SLC9A5: variants seen among roughly 807,000 people sequenced by gnomAD.
SLC9A5 encodes the protein sodium/hydrogen exchanger 5.
In SLC9A5, 52 loss-of-function variants were observed where a neutral mutation model predicts 91.7. The observed-to-expected ratio is 0.57, with a 90% confidence interval of 0.45 to 0.71. The LOEUF (loss-of-function observed/expected upper bound fraction) is 0.71. SLC9A5 is among the 30% of genes least tolerant of loss of function. The pLI is 0.00. For synonymous variants in SLC9A5, 419 were observed against 474.5 expected (o/e 0.88, Z 1.52); for missense variants, 871 against 1,158.9 (o/e 0.75, Z 3.61).
In SLC9A5 at chr16:67,257,806, A is replaced by G. The variant is rs946280154; in HGVS notation, c.1496+205A>G. ...CTGCTTGGCCCTGCATGGTTTGGCA[A>G]CTGCCAGACTCCAGCCTCATCATGC... is the stretch of plus-strand genomic sequence containing the variant. On this transcript the variant is annotated intron_variant, in intron 9 of 15. Transcript: ENST00000299798. The surrounding 1 kb of genome is among the most constrained non-coding windows in gnomAD (Gnocchi z 5.1). 2.0e-5 allele frequency among the ~76,000 whole-genome samples: 3 copies of G among 152,242 alleles called. No homozygotes were observed. Among genetic ancestry groups the G allele is most frequent in the Non-Finnish European group, 2.9e-5 (2 of 68,036 alleles).
rs1424933582 is a variant in SLC9A5, at chr16:67,271,638, T to G, written c.*428T>G. The G allele has an allele frequency of 1.1e-5, 2 of 182,306 alleles. No homozygotes were observed. The highest frequency in any genetic ancestry group is 2.3e-5 in the Non-Finnish European group (2 of 85,658). The allele number at this position is 182,306 out of a possible 1,614,324, so 11.3% of individuals were successfully genotyped here. A position where few individuals can be genotyped will look rare whatever the true frequency, so the allele number is the denominator to read the frequency against. ...TCCCTCCCCAGCACTGGGTCAGTGGTGTCCTGGCAGTGAGGCTCCGTGAGG... is the reference window on the plus strand; with the variant it reads ...TCCCTCCCCAGCACTGGGTCAGTGGGGTCCTGGCAGTGAGGCTCCGTGAGG... On this transcript the variant is annotated 3_prime_UTR_variant, in exon 16 of 16. Coordinates refer to ENST00000299798, the MANE Select transcript of SLC9A5 (RefSeq NM_004594.3).
In SLC9A5 at chr16:67,258,378, C is replaced by T; in HGVS notation, c.1557C>T (p.Arg519=). The change falls in exon 10 of 16, where the codon CGC becomes CGT. Residue 519 remains arginine (R), a synonymous_variant. Transcript: ENST00000299798. The surrounding 1 kb of genome is among the most constrained non-coding windows in gnomAD (Gnocchi z 4.5). ...SQLLMRRSAY[R]IRDQIWDVYY... ...TGCTGATGCGACGATCAGCCTACCG[C>T]ATCCGGGACCAGATCTGGGATGTGT... 4 of 1,614,192 alleles carry T rather than the reference C, an allele frequency of 2.5e-6. No homozygotes were observed. The highest frequency in any genetic ancestry group is 2.5e-6 in the Non-Finnish European group (3 of 1,180,018).
At chr16:67,260,027 T>C in intron 12 of SLC9A5, 81 bp downstream of exon 12, 1 of 1,537,126 alleles carries the variant, frequency 6.5e-7, no homozygotes, top group Non-Finnish European at 8.8e-7. Flanking sequence ...CGCCAGCTTG[T>C]TGGAGAGCTG....
chr16:67,267,093 T>G (rs546404479), intron 15 of SLC9A5, among the ~76,000 whole-genome samples: 180 of 146,594 alleles, frequency 1.2e-3, no homozygotes, highest in Middle Eastern at 3.5e-3. Flanking sequence ...TTTTTTTTTT[T>G]TTTTTTTTTT....
chr16:67,251,496 C>T (rs1334664870), intron 1 of SLC9A5, among the ~76,000 whole-genome samples: 1 of 147,194 alleles, frequency 6.8e-6, no homozygotes, highest in Non-Finnish European at 1.5e-5. Flanking sequence ...TCACTGCAAC[C>T]TCTGCCTCCC....
At position 67,258,183 on chromosome 16, in the gene SLC9A5, T is replaced by G; in HGVS notation, c.1497-135T>G. On this transcript the variant is annotated intron_variant, in intron 9 of 15. Coordinates refer to ENST00000299798, the MANE Select transcript of SLC9A5 (RefSeq NM_004594.3). This position sits in a 1 kb window ranked among gnomAD's most constrained non-coding sequence, Gnocchi z 4.5. ...ATTCCATGAGGGCAGGGACTAGCCT[T>G]GAGATTCTCTCTGGCTGAGGCCCAT... The G allele has an allele frequency of 7.5e-6, 6 of 797,062 alleles. No individual in the cohort carries two copies. The highest frequency in any genetic ancestry group is 1.2e-5 in the Non-Finnish European group (6 of 494,128). The allele number at this position is 797,062 out of a possible 1,614,324, so 49.4% of individuals were successfully genotyped here. A position where few individuals can be genotyped will look rare whatever the true frequency, so the allele number is the denominator to read the frequency against.
rs75549387 is a variant in SLC9A5, at chr16:67,257,108, G to C, written c.1330G>C (p.Val444Leu). Reference protein sequence around the residue: ...TIVVVFFTVIVQGLTIKPLVK... With the variant: ...TIVVVFFTVILQGLTIKPLVK... Reference sequence around the variant, plus strand: ...TGTAGTGGTCTTCTTCACAGTCATCGTGCAGGTGGGAGTGCCCACAAGGCT... The same window carrying C: ...TGTAGTGGTCTTCTTCACAGTCATCCTGCAGGTGGGAGTGCCCACAAGGCT... The change falls in exon 7 of 16, where the codon GTG becomes CTG. Residue 444 changes from valine (V) to leucine (L), a missense_variant. Around this residue, in one of 3 missense-constraint regions of SLC9A5, gnomAD observed 454 missense variants for 718.3 expected, o/e 0.63. Coordinates refer to ENST00000299798, the MANE Select transcript of SLC9A5 (RefSeq NM_004594.3). The surrounding 1 kb of genome is among the most constrained non-coding windows in gnomAD (Gnocchi z 5.1). The C allele has an allele frequency of 1.2e-6, 2 of 1,608,524 alleles. No homozygotes were observed. Among genetic ancestry groups the C allele is most frequent in the African/African-American group, 1.3e-5 (1 of 75,038 alleles).
In SLC9A5 at chr16:67,255,385, TCG is replaced by T; in HGVS notation, c.655-6_655-5del. The stretch of plus-strand genomic sequence containing the variant: ...CGCCTCACTGCTGACTCTCCTCTTC[TCG>T]CTCAGGTGCTGTACAAGGTCTGCAA... On this transcript the variant is annotated splice_polypyrimidine_tract_variant and splice_region_variant and intron_variant, in intron 3 of 15. Transcript: ENST00000299798. The surrounding 1 kb of genome is among the most constrained non-coding windows in gnomAD (Gnocchi z 4.9). The T allele has an allele frequency of 6.2e-7, 1 of 1,608,262 alleles. No homozygotes were observed. The highest frequency in any genetic ancestry group is 8.5e-7 in the Non-Finnish European group (1 of 1,175,172).
At position 67,255,529 on chromosome 16, in the gene SLC9A5, G is replaced by A; in HGVS notation, c.733+58G>A. 1 of 1,541,158 alleles carries A rather than the reference G, an allele frequency of 6.5e-7. No individual in the cohort carries two copies. The highest frequency in any genetic ancestry group is 9.0e-7 in the Non-Finnish European group (1 of 1,114,210). Reference sequence around the variant, plus strand: ...AGGTCTGCCTCCCCTGGGTTGCTGAGGCCCTCCCACCCCGCATCAGGACAG... The same window carrying A: ...AGGTCTGCCTCCCCTGGGTTGCTGAAGCCCTCCCACCCCGCATCAGGACAG... On this transcript the variant is annotated intron_variant, in intron 4 of 15. Transcript: ENST00000299798. The surrounding 1 kb of genome is among the most constrained non-coding windows in gnomAD (Gnocchi z 4.9).
chr16:67,265,947 T>C, intron 14 of SLC9A5, 141 bp from the exon 15 acceptor site: 6 of 1,138,484 alleles, frequency 5.3e-6, no homozygotes, highest in South Asian at 1.6e-5. Context: ...AGGCCAGTGC[T>C]TGAAACAGCC....
Position 67,259,628 on chromosome 16 carries a change from A to T in SLC9A5, c.1682A>T (p.Asn561Ile). ...GLTLPSMPSR[N>I]SVAETSVTNL... is the part of the protein sequence containing the mutation. The stretch of plus-strand genomic sequence containing the variant: ...ACTCTGCCTTCTATGCCCAGCCGCA[A>T]TTCTGTGGCAGAAACTTCTGTCACC... The change falls in exon 11 of 16, where the codon AAT becomes ATT. Residue 561 changes from asparagine (N) to isoleucine (I), a missense_variant. Transcript: ENST00000299798. 1.9e-6 allele frequency: 3 copies of T among 1,614,094 alleles called. No individual in the cohort carries two copies. The highest frequency in any genetic ancestry group is 3.3e-5 in the Admixed American group (2 of 60,006).
At position 67,248,996 on chromosome 16, in the gene SLC9A5, C is replaced by G; in HGVS notation, c.-19C>G. ...CGGCGGCCGTGCGGTGCCGGGAGGGCGGCTGGGCAGGCGGCAGGATGCTGC... is the reference window on the plus strand; with the variant it reads ...CGGCGGCCGTGCGGTGCCGGGAGGGGGGCTGGGCAGGCGGCAGGATGCTGC... On this transcript the variant is annotated 5_prime_UTR_variant, in exon 1 of 16. Transcript: ENST00000299798. The surrounding 1 kb of genome is among the most constrained non-coding windows in gnomAD (Gnocchi z 5.3). 1 of 1,255,740 alleles carries G rather than the reference C, an allele frequency of 8.0e-7. No homozygotes were observed. The highest frequency in any genetic ancestry group is 1.0e-6 in the Non-Finnish European group (1 of 998,092). The allele number at this position is 1,255,740 out of a possible 1,614,324, so 77.8% of individuals were successfully genotyped here.
chr16:67,257,648 G>A lies in SLC9A5; in HGVS notation c.1496+47G>A, dbSNP rs2142355374. The stretch of plus-strand genomic sequence containing the variant: ...TCCTTCAGCAGCAGCAGCCCCACCA[G>A]CCAGGGAAGCATGGGGGATGTGCCA... On this transcript the variant is annotated intron_variant, in intron 9 of 15. Transcript: ENST00000299798. This position sits in a 1 kb window ranked among gnomAD's most constrained non-coding sequence, Gnocchi z 5.1. 6.3e-7 allele frequency: 1 copy of A among 1,586,676 alleles called. No homozygotes were observed. Among genetic ancestry groups the A allele is most frequent in the Non-Finnish European group, 8.7e-7 (1 of 1,155,328 alleles).
Position 67,255,569 on chromosome 16 carries a change from G to A in SLC9A5, c.733+98G>A, listed in dbSNP as rs1255862448. The stretch of plus-strand genomic sequence containing the variant: ...CATCAGGACAGAAGAGGCTATTCGG[G>A]TTGCCTCATCTCCTCTATAGAGAAA... On this transcript the variant is annotated intron_variant, in intron 4 of 15. Transcript: ENST00000299798. The surrounding 1 kb of genome is among the most constrained non-coding windows in gnomAD (Gnocchi z 4.9). 2 of 1,377,786 alleles carry A rather than the reference G, an allele frequency of 1.5e-6. No individual in the cohort carries two copies. Among genetic ancestry groups the A allele is most frequent in the Admixed American group, 1.8e-5 (1 of 56,354 alleles). 85.3% of individuals were successfully genotyped at this position (1,377,786 alleles called of 1,614,324 possible). A position where few individuals can be genotyped will look rare whatever the true frequency, so the allele number is the denominator to read the frequency against.
chr16:67,257,079 C>A lies in SLC9A5; in HGVS notation c.1301C>A (p.Thr434Asn). ...GCCAAGGACTACTTTGTAGCCACCA[C>A]TATTGTAGTGGTCTTCTTCACAGTC... is the stretch of plus-strand genomic sequence containing the variant. The part of the protein sequence containing the change: ...VPAKDYFVAT[T>N]IVVVFFTVIV... The change falls in exon 7 of 16, where the codon ACT becomes AAT. Residue 434 changes from threonine (T) to asparagine (N), a missense_variant. Coordinates refer to ENST00000299798, the MANE Select transcript of SLC9A5 (RefSeq NM_004594.3). This position sits in a 1 kb window ranked among gnomAD's most constrained non-coding sequence, Gnocchi z 5.1. 6.2e-7 allele frequency: 1 copy of A among 1,612,460 alleles called. No individual in the cohort carries two copies. Among genetic ancestry groups the A allele is most frequent in the African/African-American group, 1.3e-5 (1 of 75,070 alleles).
chr16:67,249,022 G>A lies in SLC9A5; in HGVS notation c.8G>A (p.Arg3His), dbSNP rs957550233. ML[R>H]AALSLLALPL... is the part of the protein sequence containing the mutation. Reference sequence around the variant, plus strand: ...GGCTGGGCAGGCGGCAGGATGCTGCGCGCCGCCCTGTCCCTGCTCGCGCTG... The same window carrying A: ...GGCTGGGCAGGCGGCAGGATGCTGCACGCCGCCCTGTCCCTGCTCGCGCTG... Residue 3 changes from arginine to histidine, a missense_variant, in exon 1 of 16, where the codon CGC (arginine) becomes CAC (histidine). Arg to His is a conservative substitution (Grantham distance 29). Transcript: ENST00000299798. 8 of 1,422,788 alleles carry A rather than the reference G, an allele frequency of 5.6e-6. No homozygotes were observed. Among genetic ancestry groups the A allele is most frequent in the Non-Finnish European group, 7.4e-6 (8 of 1,088,198 alleles). 88.1% of individuals were successfully genotyped at this position (1,422,788 alleles called of 1,614,324 possible). A position where few individuals can be genotyped will look rare whatever the true frequency, so the allele number is the denominator to read the frequency against.
chr16:67,260,587 G>A (rs1336550940), intron 12 of SLC9A5, among the ~76,000 whole-genome samples: 1 of 152,120 alleles, frequency 6.6e-6, no homozygotes, highest in African/African-American at 2.4e-5. Flanking sequence ...CGGTGGGAAA[G>A]AAGAGGGGCA....
At chr16:67,262,521 C>T in intron 12 of SLC9A5, 1 of 308,928 alleles carries the variant, frequency 3.2e-6, no homozygotes, top group Non-Finnish European at 6.5e-6. Flanking sequence ...TTCCTGGCTT[C>T]ACCTGGAGAT....
intron 15 of SLC9A5, among the ~76,000 whole-genome samples, chr16:67,269,880 A>G (rs768633152): frequency 1.2e-4 from 19 of 152,112 alleles, no homozygotes; most frequent in East Asian, 5.8e-4. Flanking sequence ...CAGGTCCCCT[A>G]TGCCTCGTCA....
Sources: allele counts gnomAD v4.1 joint callset (sites outside exome capture counted in the v4.1 genomes callset), GRCh38; gene constraint gnomAD v4.1.1; regional missense constraint gnomAD v4.1.1; non-coding constraint Gnocchi (gnomAD v3.1); transcripts MANE v1.5; gene names NCBI Gene and HGNC (gene_info 2026-07-23, HGNC 2026-07-21).